Variants in RNGTT observed in about 807,000 individuals in gnomAD.
RNGTT encodes RNA guanylyltransferase and 5'-phosphatase, also known as mRNA-capping enzyme.
RNGTT carries 33 observed loss-of-function variants against 79.3 expected under a neutral mutation model. The observed-to-expected ratio is 0.42, with a 90% CI of 0.32 to 0.56. The LOEUF (loss-of-function observed/expected upper bound fraction) is 0.56. Among genes scored for constraint, RNGTT ranks in the 20% least tolerant of loss-of-function variants. The probability of loss-of-function intolerance (pLI) is 0.17; values close to 1 mark genes in which losing one functional copy is unlikely to be tolerated. For missense variants in RNGTT, 497 were observed against 739.1 expected (o/e 0.67, Z 3.80); for synonymous variants, 222 against 235.9 (o/e 0.94, Z 0.54).
intron 9 of RNGTT, among the ~76,000 whole-genome samples, chr6:88,853,209 T>C (rs1345217397): frequency 2.0e-5 from 3 of 152,182 alleles, no homozygotes; most frequent in Non-Finnish European, 4.4e-5. Flanking sequence ...TTTAACATCC[T>C]AATAAAAGTT....
rs150744787 is a variant in RNGTT at position 88,961,050 on chromosome 6, C to A, written c.64+2296G>T. ...AATCAGTGGGCTGGGAAAAGCAAAC[C>A]CACCCTTAATCTGGGTGGGCACCAT... On this transcript the variant is annotated intron_variant, in intron 1 of 15. Coordinates refer to ENST00000369485, the MANE Select transcript of RNGTT (RefSeq NM_003800.5). Among the ~76,000 whole-genome samples the A allele has an allele frequency of 4.5e-3, 685 of 152,216 alleles. 5 individuals carry two copies. Among genetic ancestry groups the A allele is most frequent in the African/African-American group, 0.015 (628 of 41,550 alleles).
At chr6:88,938,008 T>G (rs1244314421) in intron 2 of RNGTT, among the ~76,000 whole-genome samples, 1 of 152,224 alleles carries the variant, frequency 6.6e-6, no homozygotes, top group Non-Finnish European at 1.5e-5. Flanking sequence ...GTGTATTCTA[T>G]AGCTACTGGA....
In RNGTT at chr6:88,662,167, T is replaced by G. The variant is rs188466124; in HGVS notation, c.1506+16186A>C. On this transcript the variant is annotated intron_variant, in intron 14 of 15. Coordinates refer to ENST00000369485, the MANE Select transcript of RNGTT (RefSeq NM_003800.5). ...TAGAGGAAACACACCTTTAAGGAAG[T>G]AGACCACCTCTCCCATTGTCTCCTA... Among the ~76,000 whole-genome samples the G allele has an allele frequency of 1.9e-3, 289 of 152,334 alleles. 4 individuals are homozygous for G. The highest frequency in any genetic ancestry group is 6.8e-3 in the African/African-American group (283 of 41,580).
rs1350615826 is a variant in RNGTT at position 88,834,009 on chromosome 6, A to C, written c.1269+10348T>G. ...GCACTCTGGCCTAGGCGACAGAGCG[A>C]GACTTCGTCTCAAAAAAAAGAATAA... On this transcript the variant is annotated intron_variant, in intron 11 of 15. Transcript: ENST00000369485. Among the ~76,000 whole-genome samples the C allele has an allele frequency of 3.9e-5, 6 of 152,386 alleles. No individual in the cohort carries two copies. The South Asian group carries it at 1.0e-3, about 26-fold the overall frequency.
At chr6:88,858,209 T>A (rs1781899743) in intron 8 of RNGTT, among the ~76,000 whole-genome samples, 1 of 152,206 alleles carries the variant, frequency 6.6e-6, no homozygotes, top group African/African-American at 2.4e-5. Context: ...AAACTTATTA[T>A]GGCTTTTCTC....
intron 12 of RNGTT, 23 bp from the exon 13 acceptor site, chr6:88,769,897 C>A (rs771875347): frequency 6.6e-7 from 1 of 1,511,262 alleles, no homozygotes; most frequent in Non-Finnish European, 9.1e-7. Context: ...AAAATGATGA[C>A]AATCGTTACT....
chr6:88,645,069 G>C lies in RNGTT; in HGVS notation c.1507-30674C>G, dbSNP rs542762626. ...GAAAAGAGGAAGTCAAATTGTCCCT[G>C]TTTGCAGATGACATGATTGTATATC... On this transcript the variant is annotated intron_variant, in intron 14 of 15. Transcript: ENST00000369485. Among the ~76,000 whole-genome samples, 1,386 of 152,280 alleles carry C rather than the reference G, an allele frequency of 9.1e-3. 10 individuals are homozygous for C. The highest frequency in any genetic ancestry group is 0.014 in the Non-Finnish European group (944 of 68,014).
chr6:88,765,535 ATATT>A (rs1778431432), intron 13 of RNGTT, among the ~76,000 whole-genome samples: 1 of 152,206 alleles, frequency 6.6e-6, no homozygotes, highest in Non-Finnish European at 1.5e-5. Flanking sequence ...AGGCAGACTT[ATATT>A]TACTTTGTTT....
intron 8 of RNGTT, among the ~76,000 whole-genome samples, chr6:88,865,404 AG>A (rs1782135474): frequency 1.3e-5 from 2 of 152,236 alleles, no homozygotes; most frequent in Admixed American, 1.3e-4. Flanking sequence ...CCCTATAAAC[AG>A]GAAACAGGAA....
rs532518333 is a variant in RNGTT at position 88,864,105 on chromosome 6, T to C, written c.897-10341A>G. Among the ~76,000 whole-genome samples, 9 of 152,256 alleles carry C rather than the reference T, an allele frequency of 5.9e-5. No homozygotes were observed. The East Asian group carries it at 1.7e-3, about 29-fold the overall frequency. ...ACACCAGCCTGTCTCAAAATACATATCTTCAAATTCCTATTCAAAACTCCC... is the reference window on the plus strand; with the variant it reads ...ACACCAGCCTGTCTCAAAATACATACCTTCAAATTCCTATTCAAAACTCCC... On this transcript the variant is annotated intron_variant, in intron 8 of 15. Transcript: ENST00000369485.
At chr6:88,658,284 A>G (rs1303079785) in intron 14 of RNGTT, among the ~76,000 whole-genome samples, 2 of 152,172 alleles carry the variant, frequency 1.3e-5, no homozygotes, top group African/African-American at 4.8e-5. Context: ...TAGCATAACC[A>G]CATTCAAGAA....
chr6:88,763,087 CTTTTTTTTTTT>C (rs59200191), intron 13 of RNGTT, among the ~76,000 whole-genome samples: 5 of 95,510 alleles, frequency 5.2e-5, no homozygotes, highest in African/African-American at 1.5e-4. Context: ...TCATGGCCAG[CTTTTTTTTTTT>C]TTTTTTTTTT....
At chr6:88,757,981 T>C (rs1353746082) in intron 13 of RNGTT, among the ~76,000 whole-genome samples, 1 of 152,210 alleles carries the variant, frequency 6.6e-6, no homozygotes, top group Non-Finnish European at 1.5e-5. Context: ...AGTTTCAGTA[T>C]ACCATACATC....
At position 88,904,746 on chromosome 6, in the gene RNGTT, A is replaced by T. The variant is rs1360382351; in HGVS notation, c.653T>A (p.Phe218Tyr). The T allele has an allele frequency of 1.2e-6, 2 of 1,613,914 alleles. No individual in the cohort carries two copies. The highest frequency in any genetic ancestry group is 1.7e-6 in the Non-Finnish European group (2 of 1,179,966). ...KESEPGSSAS[F>Y]GKRRKERLKL... is the part of the protein sequence containing the mutation. Reference sequence around the variant, plus strand: ...TAACCGTTCTTTTCTCCTTTTGCCAAAAGAAGCACTTGACCCGGGTTCTGA... The same window carrying T: ...TAACCGTTCTTTTCTCCTTTTGCCATAAGAAGCACTTGACCCGGGTTCTGA... Residue 218 changes from phenylalanine (F) to tyrosine (Y), a missense_variant, in exon 6 of 16, where the codon TTT becomes TAT. By Grantham distance (22) the Phe-to-Tyr change is conservative. Around this residue, in one of 3 missense-constraint regions of RNGTT, gnomAD observed 440 missense variants for 671.5 expected, o/e 0.66. Coordinates refer to ENST00000369485, the MANE Select transcript of RNGTT (RefSeq NM_003800.5).
chr6:88,871,508 C>T lies in RNGTT; in HGVS notation c.897-17744G>A, dbSNP rs188348290. The stretch of plus-strand genomic sequence containing the variant: ...ATATGTTACAACAAATAGAATATGG[C>T]AGAAGTGGATTGTATGTCACCTCTT... On this transcript the variant is annotated intron_variant, in intron 8 of 15. Coordinates refer to ENST00000369485, the MANE Select transcript of RNGTT (RefSeq NM_003800.5). 3.2e-3 allele frequency among the ~76,000 whole-genome samples: 494 copies of T among 152,162 alleles called. 2 individuals are homozygous for T. Among genetic ancestry groups the T allele is most frequent in the Non-Finnish European group, 3.7e-3 (249 of 68,002 alleles).
At chr6:88,739,282 A>G (rs537454448) in intron 13 of RNGTT, among the ~76,000 whole-genome samples, 9 of 152,274 alleles carry the variant, frequency 5.9e-5, no homozygotes, top group African/African-American at 2.2e-4. Flanking sequence ...AAATTAGAGG[A>G]TTCTTCATGT....
chr6:88,942,283 CT>C (rs1302413781), intron 1 of RNGTT, among the ~76,000 whole-genome samples: 11 of 152,098 alleles, frequency 7.2e-5, no homozygotes, highest in Admixed American at 4.6e-4. Context: ...GAAAGACTGA[CT>C]TTTTTTGACC....
chr6:88,780,571 T>G (rs1779029555), intron 12 of RNGTT, among the ~76,000 whole-genome samples: 1 of 152,108 alleles, frequency 6.6e-6, no homozygotes, highest in South Asian at 2.1e-4. Context: ...AGAGCTATAG[T>G]TAACTGATAA....
chr6:88,697,960 T>G (rs558011443), intron 13 of RNGTT, among the ~76,000 whole-genome samples: 1 of 111,726 alleles, frequency 9.0e-6, no homozygotes, highest in Admixed American at 9.0e-5. Context: ...ATATGATATA[T>G]ATATATGAAA....
Sources: gnomAD v4.1 joint callset for allele counts (sites outside exome capture counted in the v4.1 genomes callset) on GRCh38, gnomAD v4.1.1 for gene constraint, gnomAD v4.1.1 regional missense constraint, MANE v1.5 for transcripts, NCBI Gene and HGNC (gene_info 2026-07-23, HGNC 2026-07-21) for gene names.